EYA3: variants seen among roughly 807,000 people sequenced by gnomAD.
The protein encoded by EYA3 is protein phosphatase EYA3.
EYA3 carries 39 observed loss-of-function variants against 80.0 expected under a neutral mutation model. The observed-to-expected ratio is 0.49, with a 90% CI of 0.38 to 0.64. EYA3 has a LOEUF of 0.64. Ranked by LOEUF, EYA3 falls within the 30% of genes least tolerant of loss-of-function variation. The pLI is 0.00. For synonymous variants in EYA3, 206 were observed against 232.8 expected (o/e 0.88, Z 1.05); for missense variants, 523 against 676.1 (o/e 0.77, Z 2.51).
intron 1 of EYA3, among the ~76,000 whole-genome samples, chr1:28,082,240 T>G (rs1645456180): frequency 6.6e-6 from 1 of 152,186 alleles, no homozygotes; most frequent in Admixed American, 6.5e-5. Context: ...AACCAGATTC[T>G]ACGATTCTCG....
chr1:28,084,456 CAG>C lies in EYA3; in HGVS notation c.-69+4066_-69+4067del, dbSNP rs1267817849. 3.4e-5 allele frequency among the ~76,000 whole-genome samples: 5 copies of C among 149,064 alleles called. No homozygotes were observed. The South Asian group carries it at 8.4e-4, about 25-fold the overall frequency. The stretch of plus-strand genomic sequence containing the variant: ...TTGTATTTTTAAGTTAATTAGAAAA[CAG>C]AAAGTCCACCTATTTTCCACCTTAC... On this transcript the variant is annotated intron_variant, in intron 1 of 17. Transcript: ENST00000373871.
At chr1:28,040,567 G>T (rs1281821797) in intron 4 of EYA3, among the ~76,000 whole-genome samples, 1 of 152,108 alleles carries the variant, frequency 6.6e-6, no homozygotes, top group Non-Finnish European at 1.5e-5. Context: ...TAAGCCCTGA[G>T]GCCCACCAAA....
intron 12 of EYA3, among the ~76,000 whole-genome samples, chr1:27,998,919 C>T (rs866203729): frequency 2.0e-4 from 31 of 152,146 alleles, no homozygotes; most frequent in Middle Eastern, 3.4e-3. Context: ...CAGGTGTGCG[C>T]CACCATGCCC....
chr1:27,979,246 TAACA>T (rs1639147830), intron 16 of EYA3, among the ~76,000 whole-genome samples: 1 of 152,082 alleles, frequency 6.6e-6, no homozygotes, highest in Non-Finnish European at 1.5e-5. Context: ...TTAGAAACAA[TAACA>T]AACAAAAAGC....
intron 17 of EYA3, among the ~76,000 whole-genome samples, chr1:27,976,735 T>C (rs1402705536): frequency 6.6e-6 from 1 of 152,128 alleles, no homozygotes; most frequent in African/African-American, 2.4e-5. Context: ...TTGTTTTTTT[T>C]GAGACAGGGT....
At chr1:27,993,210 C>A (rs1640195652) in intron 14 of EYA3, among the ~76,000 whole-genome samples, 190 bp downstream of exon 14, 1 of 152,110 alleles carries the variant, frequency 6.6e-6, no homozygotes, top group African/African-American at 2.4e-5. Flanking sequence ...CTTAGAGAAG[C>A]CCGTTAGAAA....
intron 7 of EYA3, among the ~76,000 whole-genome samples, chr1:28,024,787 A>G (rs1455677969): frequency 6.6e-6 from 1 of 152,134 alleles, no homozygotes; most frequent in Non-Finnish European, 1.5e-5. Context: ...GTCACAAGAT[A>G]CTCTAGGAAA....
At chr1:28,084,643 C>G (rs1246650785) in intron 1 of EYA3, among the ~76,000 whole-genome samples, 1 of 105,572 alleles carries the variant, frequency 9.5e-6, no homozygotes, top group Non-Finnish European at 1.8e-5. Context: ...GAGTCTCGCT[C>G]TGTCGCCTAG....
chr1:28,058,112 G>T lies in EYA3; in HGVS notation c.-68-18C>A, dbSNP rs553608971. On this transcript the variant is annotated intron_variant, in intron 1 of 17. Coordinates refer to ENST00000373871, the MANE Select transcript of EYA3 (RefSeq NM_001990.4). ...TTCACAATCTGTTTTTAAAAAGGAG[G>T]ATTCAAAGCTTTATACACTCTTAAA... The T allele has an allele frequency of 1.8e-6, 2 of 1,128,384 alleles. No individual in the cohort carries two copies. Among genetic ancestry groups the T allele is most frequent in the Non-Finnish European group, 2.5e-6 (2 of 789,550 alleles). The allele number at this position is 1,128,384 out of a possible 1,614,324, so 69.9% of individuals were successfully genotyped here.
chr1:27,985,052 T>A (rs1043783533), intron 16 of EYA3, among the ~76,000 whole-genome samples: 1 of 151,712 alleles, frequency 6.6e-6, no homozygotes, highest in Admixed American at 6.6e-5. Flanking sequence ...ATGATCTTCA[T>A]GTATCTAAAA....
In EYA3 at chr1:28,035,526, T is replaced by C; in HGVS notation, c.361+18A>G. On this transcript the variant is annotated intron_variant, in intron 6 of 17. Transcript: ENST00000373871. ...AAAATCAACATTCTTAGAAATTGTT[T>C]ACAATACAGTGCCTTACCAAAAGGA... The C allele has an allele frequency of 6.2e-7, 1 of 1,604,062 alleles. No individual in the cohort carries two copies.
At chr1:28,041,224 C>A (rs1338912758) in intron 4 of EYA3, among the ~76,000 whole-genome samples, 2 of 151,846 alleles carry the variant, frequency 1.3e-5, no homozygotes, top group African/African-American at 4.8e-5. Context: ...ATTAGCCAGG[C>A]GTGATGGTGC....
chr1:28,024,900 A>G (rs965602581), intron 7 of EYA3, among the ~76,000 whole-genome samples: 4 of 152,182 alleles, frequency 2.6e-5, no homozygotes, highest in Non-Finnish European at 2.9e-5. Flanking sequence ...CAAACTAAAG[A>G]AAAGGTTCTG....
Position 28,065,137 on chromosome 1 carries a change from T to G in EYA3, c.-68-7043A>C, listed in dbSNP as rs529514900. Among the ~76,000 whole-genome samples the G allele has an allele frequency of 4.6e-5, 7 of 152,348 alleles. No individual in the cohort carries two copies. In the South Asian group the frequency reaches 1.4e-3, roughly 32 times the overall value. On this transcript the variant is annotated intron_variant, in intron 1 of 17. Coordinates refer to ENST00000373871, the MANE Select transcript of EYA3 (RefSeq NM_001990.4). ...GTCTTTTTTCCTATACATATATACC[T>G]ATGATAAATTTTAACTCAGCAGTTT...
chr1:28,048,275 G>T, intron 3 of EYA3, 108 bp downstream of exon 3: 1 of 629,268 alleles, frequency 1.6e-6, no homozygotes, highest in Non-Finnish European at 2.6e-6. Flanking sequence ...AACAGCTGAT[G>T]GTAAGAACCA....
chr1:28,074,857 T>C (rs1178360779), intron 1 of EYA3, among the ~76,000 whole-genome samples: 2 of 152,240 alleles, frequency 1.3e-5, no homozygotes, highest in African/African-American at 2.4e-5. Context: ...TTGTTATTAC[T>C]GTTTACTGTT....
At chr1:27,995,284 C>T (rs372812232) in intron 13 of EYA3, among the ~76,000 whole-genome samples, 77 of 151,590 alleles carry the variant, frequency 5.1e-4, no homozygotes, top group Non-Finnish European at 9.4e-4. Flanking sequence ...TGGTGGCATG[C>T]GCCTGTGGGC....
At chr1:28,020,105 A>C (rs1405717985) in intron 7 of EYA3, among the ~76,000 whole-genome samples, 1 of 152,172 alleles carries the variant, frequency 6.6e-6, no homozygotes, top group Non-Finnish European at 1.5e-5. Context: ...CAAATCTAAC[A>C]ATTTTCAAAC....
intron 1 of EYA3, among the ~76,000 whole-genome samples, chr1:28,073,159 GTTT>G (rs1645090046): frequency 1.6e-5 from 1 of 62,092 alleles, no homozygotes; most frequent in Non-Finnish European, 2.9e-5. Flanking sequence ...TTTAGATAGA[GTTT>G]CACTCTGTTG....
Sources: gnomAD v4.1 joint callset for allele counts (sites outside exome capture counted in the v4.1 genomes callset) on GRCh38, gnomAD v4.1.1 for gene constraint, MANE v1.5 for transcripts, NCBI Gene and HGNC (gene_info 2026-07-23, HGNC 2026-07-21) for gene names.